Variants in ARHGAP30 observed in about 807,000 individuals in gnomAD.
The protein encoded by ARHGAP30 is Rho GTPase activating protein 30.
A neutral mutation model predicts 72.0 loss-of-function variants in ARHGAP30; 23 were observed. That is an observed-to-expected ratio of 0.32 (90% CI 0.23 to 0.45). The LOEUF (loss-of-function observed/expected upper bound fraction) is 0.45, where lower values mean the gene tolerates loss of function less well. Ranked by LOEUF, ARHGAP30 falls within the 20% of genes least tolerant of loss-of-function variation. ARHGAP30 has a pLI of 1.00. For missense variants in ARHGAP30, 1,319 were observed against 1,383.4 expected, an observed-to-expected ratio of 0.95 and a Z score of 0.74; for synonymous variants, 576 against 528.2, an observed-to-expected ratio of 1.09 and a Z score of -1.24.
rs561456947 is a variant in ARHGAP30 at position 161,054,389 on chromosome 1, G to A, written c.513C>T (p.Ile171=). ...QTNMHARNLA[I]VWAPNLLRSK... ...ACCTCAGCAGGTTGGGAGCCCACAC[G>A]ATGGCCAGGTTGCGAGCATGCATGT... Residue 171 remains isoleucine (I), a synonymous_variant, in exon 5 of 12, where the codon ATC becomes ATT. Transcript: ENST00000368013. 8.6e-5 allele frequency: 139 copies of A among 1,613,920 alleles called. 3 individuals carry two copies. The South Asian group carries it at 1.3e-3, about 16-fold the overall frequency.
intron 3 of ARHGAP30, 32 bp downstream of exon 3, chr1:161,056,356 C>T: frequency 6.2e-7 from 1 of 1,609,226 alleles, no homozygotes; most frequent in Non-Finnish European, 8.5e-7. Flanking sequence ...ACCCCTGAGC[C>T]CTGTCTTCCA....
intron 1 of ARHGAP30, among the ~76,000 whole-genome samples, chr1:161,068,886 T>A (rs1293039189): frequency 6.6e-6 from 1 of 152,098 alleles, no homozygotes; most frequent in Non-Finnish European, 1.5e-5. Context: ...TTCTTCCCCA[T>A]TTCAGCAGCT....
rs760527617 is a variant in ARHGAP30 at position 161,048,870 on chromosome 1, T to G, written c.2151A>C (p.Glu717Asp). 21 of 1,614,152 alleles carry G rather than the reference T, an allele frequency of 1.3e-5. No homozygotes were observed. Among genetic ancestry groups the G allele is most frequent in the Non-Finnish European group, 1.7e-5 (20 of 1,180,030 alleles). The change falls in exon 12 of 12, where the codon GAA becomes GAC. Residue 717 changes from glutamate to aspartate, a missense_variant. Physicochemically the swap from Glu to Asp is conservative, Grantham distance 45. Coordinates refer to ENST00000368013, the MANE Select transcript of ARHGAP30 (RefSeq NM_001025598.2). ...EGSREETEAKEEKSKGQKKAD... is the reference protein window; with the variant it reads ...EGSREETEAKDEKSKGQKKAD... The stretch of plus-strand genomic sequence containing the variant: ...CCTTCTTCTGACCTTTGGACTTCTC[T>G]TCCTTGGCCTCTGTCTCTTCCCTAC...
rs1166305762 is a variant in ARHGAP30, at chr1:161,048,166, G to A, written c.2855C>T (p.Ala952Val). ...PKPQFAKMPS[A>V]MCSKIHVAPA... Reference sequence around the variant, plus strand: ...TGCCACATGAATCTTGCTACACATTGCACTGGGCATCTTGGCAAACTGTGG... The same window carrying A: ...TGCCACATGAATCTTGCTACACATTACACTGGGCATCTTGGCAAACTGTGG... The change falls in exon 12 of 12, where the codon GCA becomes GTA. Residue 952 changes from alanine (A) to valine (V), a missense_variant. Physicochemically the swap from Ala to Val is moderately conservative, Grantham distance 64. Transcript: ENST00000368013. The A allele has an allele frequency of 6.2e-7, 1 of 1,614,054 alleles. No homozygotes were observed. Among genetic ancestry groups the A allele is most frequent in the Non-Finnish European group, 8.5e-7 (1 of 1,180,032 alleles).
chr1:161,067,344 G>A (rs1312307790), intron 1 of ARHGAP30, among the ~76,000 whole-genome samples: 6 of 152,088 alleles, frequency 3.9e-5, no homozygotes, highest in African/African-American at 9.7e-5. Flanking sequence ...AGGCCGAGGC[G>A]GGTGGATCAT....
chr1:161,064,817 AAGAAAGAAAGAAAGAGAAAG>A (rs1652603477), intron 1 of ARHGAP30, among the ~76,000 whole-genome samples: 1 of 74,798 alleles, frequency 1.3e-5, no homozygotes, highest in Non-Finnish European at 2.6e-5. Context: ...GAAAGAAAGA[AAGAAAGAAAGAAAGAGAAAG>A]AAAGAAAGAA....
At chr1:161,068,051 A>G (rs1249704612) in intron 1 of ARHGAP30, among the ~76,000 whole-genome samples, 1 of 152,128 alleles carries the variant, frequency 6.6e-6, no homozygotes, top group Non-Finnish European at 1.5e-5. Context: ...GAATCCAGGA[A>G]GAGGCCGGGA....
At chr1:161,062,213 C>T (rs1331844137) in intron 1 of ARHGAP30, among the ~76,000 whole-genome samples, 1 of 152,166 alleles carries the variant, frequency 6.6e-6, no homozygotes, top group Non-Finnish European at 1.5e-5. Flanking sequence ...CTCTGCCCCA[C>T]TTTAATCCCC....
chr1:161,065,698 C>T (rs1344903484), intron 1 of ARHGAP30, among the ~76,000 whole-genome samples: 1 of 151,746 alleles, frequency 6.6e-6, no homozygotes, highest in African/African-American at 2.4e-5. Context: ...TCCCAAGTAG[C>T]TAGGATTACA....
rs1571071653 is a variant in ARHGAP30, at chr1:161,049,765, G to A, written c.1421-76C>T. ...TTTCAGTGTGAGTCCTCCTAGCATT[G>A]ATATAGCAGGGGCCCAGCACTCCCA... is the stretch of plus-strand genomic sequence containing the variant. On this transcript the variant is annotated intron_variant, in intron 10 of 11. Coordinates refer to ENST00000368013, the MANE Select transcript of ARHGAP30 (RefSeq NM_001025598.2). 4.6e-6 allele frequency: 7 copies of A among 1,530,922 alleles called. No homozygotes were observed. In the East Asian group the frequency reaches 1.6e-4, roughly 35 times the overall value. 94.8% of individuals were successfully genotyped at this position (1,530,922 alleles called of 1,614,324 possible). A position where few individuals can be genotyped will look rare whatever the true frequency, so the allele number is the denominator to read the frequency against.
At chr1:161,052,246 GCACACACA>G in intron 9 of ARHGAP30, 32 bp downstream of exon 9, 1 of 1,606,552 alleles carries the variant, frequency 6.2e-7, no homozygotes, top group Non-Finnish European at 8.5e-7. Flanking sequence ...TGGTCACATA[GCACACACA>G]CATACACACA....
intron 3 of ARHGAP30, among the ~76,000 whole-genome samples, chr1:161,056,067 T>G (rs1026585409): frequency 2.7e-5 from 4 of 150,872 alleles, no homozygotes; most frequent in African/African-American, 9.8e-5. Context: ...CTGGTCTACA[T>G]GCTTTCCAAG....
chr1:161,055,856 T>TAAATA (rs1304261981), intron 3 of ARHGAP30, among the ~76,000 whole-genome samples: 283 of 19,862 alleles, frequency 0.014, 7 homozygotes, highest in Admixed American at 0.089. Flanking sequence ...TAAAATAAAA[T>TAAATA]AAATAAAATA....
At position 161,048,876 on chromosome 1, in the gene ARHGAP30, G is replaced by C. The variant is rs753872687; in HGVS notation, c.2145C>G (p.Ala715=). The C allele has an allele frequency of 1.2e-6, 2 of 1,613,806 alleles. No individual in the cohort carries two copies. The highest frequency in any genetic ancestry group is 1.7e-6 in the Non-Finnish European group (2 of 1,179,976). The change falls in exon 12 of 12, where the codon GCC becomes GCG. Residue 715 remains alanine (A), a synonymous_variant. Transcript: ENST00000368013. ...LREGSREETE[A]KEEKSKGQKK... is the part of the protein sequence containing the mutation. ...TCTGACCTTTGGACTTCTCTTCCTT[G>C]GCCTCTGTCTCTTCCCTACTCCCTT... is the stretch of plus-strand genomic sequence containing the variant.
intron 1 of ARHGAP30, among the ~76,000 whole-genome samples, chr1:161,063,096 A>G (rs574718612): frequency 6.6e-6 from 1 of 152,322 alleles, no homozygotes; most frequent in Non-Finnish European, 1.5e-5. Flanking sequence ...TACAGGCGTG[A>G]GCCACTGCGC....
rs758332758 is a variant in ARHGAP30, at chr1:161,049,627, C to T, written c.1483G>A (p.Ala495Thr). 1.9e-6 allele frequency: 3 copies of T among 1,613,948 alleles called. No individual in the cohort carries two copies. The highest frequency in any genetic ancestry group is 2.5e-6 in the Non-Finnish European group (3 of 1,179,980). Residue 495 changes from alanine (A) to threonine (T), a missense_variant, in exon 11 of 12, where the codon GCT (alanine) becomes ACT (threonine). By Grantham distance (58) the Ala-to-Thr change is moderately conservative. Coordinates refer to ENST00000368013, the MANE Select transcript of ARHGAP30 (RefSeq NM_001025598.2). ...PLADSGPDDL[A>T]PALEDSLSQE... Reference sequence around the variant, plus strand: ...GACAGCGAGTCCTCCAGGGCAGGAGCCAAGTCGTCTGGGCCTGAGTCTGCC... The same window carrying T: ...GACAGCGAGTCCTCCAGGGCAGGAGTCAAGTCGTCTGGGCCTGAGTCTGCC...
chr1:161,066,516 T>C (rs1427064385), intron 1 of ARHGAP30, among the ~76,000 whole-genome samples: 1 of 151,046 alleles, frequency 6.6e-6, no homozygotes, highest in African/African-American at 2.4e-5. Context: ...GGCGTGGTGG[T>C]GCCTGTAGTC....
intron 1 of ARHGAP30, among the ~76,000 whole-genome samples, chr1:161,066,053 C>T (rs1457026069): frequency 4.0e-5 from 6 of 151,000 alleles, no homozygotes; most frequent in African/African-American, 7.3e-5. Flanking sequence ...TTAGTAGAGA[C>T]GGAATCTCAC....
chr1:161,052,399 G>C (rs1651472580), intron 8 of ARHGAP30, 36 bp from the exon 9 acceptor site: 1 of 1,613,718 alleles, frequency 6.2e-7, no homozygotes, highest in African/African-American at 1.3e-5. Flanking sequence ...CCAGGGCCTT[G>C]TGCACCCTCA....
Sources: gnomAD v4.1 joint callset for allele counts (sites outside exome capture counted in the v4.1 genomes callset) on GRCh38, gnomAD v4.1.1 for gene constraint, MANE v1.5 for transcripts, NCBI Gene and HGNC (gene_info 2026-07-23, HGNC 2026-07-21) for gene names.